PPARD: variants seen among roughly 807,000 people sequenced by gnomAD.
PPARD encodes peroxisome proliferator-activated receptor delta.
Under a neutral mutation model 39.5 loss-of-function variants are expected in PPARD, and 6 were observed. That is an observed-to-expected ratio of 0.15 (90% confidence interval 0.08 to 0.30). The LOEUF (loss-of-function observed/expected upper bound fraction) is 0.30. Among genes scored for constraint, PPARD ranks in the 10% least tolerant of loss-of-function variants. The probability of loss-of-function intolerance (pLI) is 1.00; values close to 1 mark genes in which losing one functional copy is unlikely to be tolerated. For missense variants in PPARD, 397 were observed against 596.8 expected, an observed-to-expected ratio of 0.67 and a Z score of 3.49; for synonymous variants, 210 against 231.3, an observed-to-expected ratio of 0.91 and a Z score of 0.83.
chr6:35,406,759 G>C (rs990331595), intron 2 of PPARD, among the ~76,000 whole-genome samples: 3 of 152,126 alleles, frequency 2.0e-5, no homozygotes, highest in Non-Finnish European at 4.4e-5. Context: ...TCCCGAAACT[G>C]AGAACAGTTT....
At position 35,356,731 on chromosome 6, in the gene PPARD, A is replaced by G. The variant is rs561024351; in HGVS notation, c.-102+9581A>G. On this transcript the variant is annotated intron_variant, in intron 2 of 7. Coordinates refer to ENST00000360694, the MANE Select transcript of PPARD (RefSeq NM_006238.5). ...ACCCAAATGTCTGCGGACATTGCCA[A>G]ATGTCTCCTAGGGGGCAAAATCACC... Among the ~76,000 whole-genome samples, 14 of 152,266 alleles carry G rather than the reference A, an allele frequency of 9.2e-5. No individual in the cohort carries two copies. The East Asian group carries it at 1.5e-3, about 17-fold the overall frequency.
intron 2 of PPARD, among the ~76,000 whole-genome samples, chr6:35,385,041 GC>G (rs1763524160): frequency 6.9e-6 from 1 of 145,572 alleles, no homozygotes; most frequent in Admixed American, 6.7e-5. Context: ...CCGGCCAGCC[GC>G]CCCGTCCGGG....
At chr6:35,351,219 G>T (rs1761229651) in intron 2 of PPARD, among the ~76,000 whole-genome samples, 1 of 151,830 alleles carries the variant, frequency 6.6e-6, no homozygotes, top group Non-Finnish European at 1.5e-5. Context: ...TAGAGACGGG[G>T]TTTCACCATG....
chr6:35,392,461 G>A (rs1764065485), intron 2 of PPARD, among the ~76,000 whole-genome samples: 3 of 152,080 alleles, frequency 2.0e-5, no homozygotes, highest in Admixed American at 1.3e-4. Flanking sequence ...CACATACCTG[G>A]CACTGGCCCA....
rs548034143 is a variant in PPARD, at chr6:35,398,839, C to T, written c.-101-12148C>T. Among the ~76,000 whole-genome samples the T allele has an allele frequency of 2.6e-5, 4 of 152,286 alleles. No individual in the cohort carries two copies. The South Asian group carries it at 6.2e-4, about 24-fold the overall frequency. On this transcript the variant is annotated intron_variant, in intron 2 of 7. Transcript: ENST00000360694. ...TCAAAGTACAGTGACATTGGCCAGG[C>T]GCGGTGGCTTATGTCTGTAATCCCA...
intron 2 of PPARD, among the ~76,000 whole-genome samples, chr6:35,384,415 C>T (rs1183880043): frequency 1.7e-5 from 2 of 117,396 alleles, no homozygotes; most frequent in Admixed American, 7.9e-5. Flanking sequence ...CCAGGCCAGC[C>T]GCCCCGTCCG....
At chr6:35,348,788 T>C (rs1761038516) in intron 2 of PPARD, 1 of 985,302 alleles carries the variant, frequency 1.0e-6, no homozygotes, top group African/African-American at 1.7e-5. Context: ...CTGAAGGGAA[T>C]GTGAGGGAGG....
rs185058325 is a variant in PPARD, at chr6:35,399,080, T to A, written c.-101-11907T>A. ...GTGAGCTGAGATCGAGCCATTGCAC[T>A]CCAGCCTGGGCAACAGTGAGACCCT... On this transcript the variant is annotated intron_variant, in intron 2 of 7. Transcript: ENST00000360694. Among the ~76,000 whole-genome samples the A allele has an allele frequency of 2.6e-5, 4 of 150,980 alleles. No individual in the cohort carries two copies. The East Asian group carries it at 7.8e-4, about 29-fold the overall frequency.
intron 5 of PPARD, among the ~76,000 whole-genome samples, chr6:35,422,257 C>T (rs1290200006): frequency 6.6e-6 from 1 of 152,158 alleles, no homozygotes; most frequent in Non-Finnish European, 1.5e-5. Flanking sequence ...TAATTGATAC[C>T]AGCTTGAACA....
chr6:35,346,827 TA>T (rs1792210742), intron 1 of PPARD, among the ~76,000 whole-genome samples: 1 of 152,222 alleles, frequency 6.6e-6, no homozygotes, highest in African/African-American at 2.4e-5. Context: ...GCCGACCTGA[TA>T]AAATCAGCAA....
At chr6:35,404,293 G>T (rs554508052) in intron 2 of PPARD, among the ~76,000 whole-genome samples, 1 of 152,226 alleles carries the variant, frequency 6.6e-6, no homozygotes, top group Admixed American at 6.5e-5. Flanking sequence ...AAATGGAGAT[G>T]ATAATAGTAC....
chr6:35,395,759 G>A (rs1764274225), intron 2 of PPARD, among the ~76,000 whole-genome samples: 1 of 152,226 alleles, frequency 6.6e-6, no homozygotes, highest in Non-Finnish European at 1.5e-5. Flanking sequence ...AGGCAGTACA[G>A]TAGAGTGGTT....
intron 2 of PPARD, among the ~76,000 whole-genome samples, chr6:35,347,631 G>A (rs1760950474): frequency 1.3e-5 from 2 of 151,618 alleles, no homozygotes; most frequent in African/African-American, 4.9e-5. Flanking sequence ...TTTTTGAGAC[G>A]AAGTCTTGCT....
chr6:35,399,180 A>G lies in PPARD; in HGVS notation c.-101-11807A>G, dbSNP rs541083485. Among the ~76,000 whole-genome samples the G allele has an allele frequency of 4.1e-4, 62 of 152,254 alleles. No homozygotes were observed. In the South Asian group the frequency reaches 8.1e-3, roughly 20 times the overall value. On this transcript the variant is annotated intron_variant, in intron 2 of 7. Coordinates refer to ENST00000360694, the MANE Select transcript of PPARD (RefSeq NM_006238.5). Reference sequence around the variant, plus strand: ...CACTTTGGGAGGCCGAGGTAGGCGGATAACTTGAGGTGGGTTCAAGACTAG... The same window carrying G: ...CACTTTGGGAGGCCGAGGTAGGCGGGTAACTTGAGGTGGGTTCAAGACTAG...
chr6:35,360,844 G>A (rs1182540031), intron 2 of PPARD, among the ~76,000 whole-genome samples: 3 of 152,342 alleles, frequency 2.0e-5, no homozygotes, highest in East Asian at 3.9e-4. Context: ...GGATGCAGGG[G>A]CTGGGGTGCA....
intron 2 of PPARD, among the ~76,000 whole-genome samples, chr6:35,364,797 C>T (rs1441364786): frequency 6.6e-5 from 10 of 151,812 alleles, no homozygotes; most frequent in African/African-American, 2.4e-4. Flanking sequence ...GCAACCTCCA[C>T]CTCCTGGGTT....
chr6:35,403,312 G>A (rs1001318875), intron 2 of PPARD, among the ~76,000 whole-genome samples: 4 of 152,150 alleles, frequency 2.6e-5, no homozygotes, highest in Non-Finnish European at 1.5e-5. Context: ...TTACTGCATC[G>A]TTATTTATTC....
chr6:35,350,655 C>G (rs1340645859), intron 2 of PPARD, among the ~76,000 whole-genome samples: 1 of 32,884 alleles, frequency 3.0e-5, no homozygotes, highest in African/African-American at 1.5e-4. Flanking sequence ...GAGTTTTGCT[C>G]TGTTGCCCAG....
chr6:35,352,860 T>C (rs1311575811), intron 2 of PPARD, among the ~76,000 whole-genome samples: 4 of 152,146 alleles, frequency 2.6e-5, no homozygotes, highest in African/African-American at 7.2e-5. Context: ...CAGAAAGAAA[T>C]GTCAATGTTT....
Sources: gnomAD v4.1 joint callset for allele counts (sites outside exome capture counted in the v4.1 genomes callset) on GRCh38, gnomAD v4.1.1 for gene constraint, MANE v1.5 for transcripts, NCBI Gene and HGNC (gene_info 2026-07-23, HGNC 2026-07-21) for gene names.